ESR1: variants seen among roughly 807,000 people sequenced by gnomAD.
The protein encoded by ESR1 is estrogen receptor 1.
A neutral mutation model predicts 52.7 loss-of-function variants in ESR1; 12 were observed. The ratio of observed to expected loss-of-function variants is 0.23; its 90% CI spans 0.15 to 0.37. The LOEUF (loss-of-function observed/expected upper bound fraction) is 0.37, where lower values mean the gene tolerates loss of function less well. Ranked by LOEUF, ESR1 falls within the 10% of genes least tolerant of loss-of-function variation. The probability of loss-of-function intolerance (pLI) is 1.00; values close to 1 mark genes in which losing one functional copy is unlikely to be tolerated. For missense variants in ESR1, 584 were observed against 779.7 expected (o/e 0.75, Z 2.99); for synonymous variants, 305 against 316.8 (o/e 0.96, Z 0.39).
intron 3 of ESR1, among the ~76,000 whole-genome samples, chr6:151,904,936 G>A (rs75628375): frequency 6.6e-6 from 1 of 152,052 alleles, no homozygotes; most frequent in African/African-American, 2.4e-5. Context: ...CCACTGAGAC[G>A]ATGGGAAAGT....
chr6:151,673,386 G>A (rs915766565), intron 1 of ESR1, among the ~76,000 whole-genome samples: 2 of 152,106 alleles, frequency 1.3e-5, no homozygotes, highest in Non-Finnish European at 2.9e-5. Context: ...TCCTTTGTAA[G>A]AGTGTACCAT....
chr6:151,888,787 A>G (rs1794268970), intron 3 of ESR1, among the ~76,000 whole-genome samples: 1 of 152,192 alleles, frequency 6.6e-6, no homozygotes, highest in African/African-American at 2.4e-5. Flanking sequence ...ACCATTGAGT[A>G]TGATGTTAGC....
intron 3 of ESR1, among the ~76,000 whole-genome samples, chr6:151,916,792 G>T (rs1206888036): frequency 6.6e-6 from 1 of 152,124 alleles, no homozygotes; most frequent in African/African-American, 2.4e-5. Flanking sequence ...TCCATAATTT[G>T]CCCAGCACTG....
intron 1 of ESR1, among the ~76,000 whole-genome samples, chr6:151,828,585 CAGA>C (rs1781886490): frequency 6.6e-6 from 1 of 152,078 alleles, no homozygotes; most frequent in African/African-American, 2.4e-5. Context: ...AGTGAAGGAA[CAGA>C]AGGAGATGAA....
At chr6:151,703,254 A>G (rs1779931612) in intron 2 of ESR1, among the ~76,000 whole-genome samples, 1 of 152,196 alleles carries the variant, frequency 6.6e-6, no homozygotes, top group African/African-American at 2.4e-5. Flanking sequence ...CTTAGTGACT[A>G]ACCAAAAATG....
chr6:151,845,129 G>A (rs1236014820), intron 2 of ESR1, among the ~76,000 whole-genome samples: 1 of 151,778 alleles, frequency 6.6e-6, no homozygotes, highest in Non-Finnish European at 1.5e-5. Context: ...ATAACATTTA[G>A]TATTGTCTCT....
At chr6:151,834,850 T>C (rs1163630104) in intron 1 of ESR1, among the ~76,000 whole-genome samples, 2 of 151,960 alleles carry the variant, frequency 1.3e-5, no homozygotes, top group Non-Finnish European at 2.9e-5. Context: ...CACCTGGAAC[T>C]TGGGGAGCAA....
At chr6:151,672,984 A>G (rs1009762896) in intron 1 of ESR1, among the ~76,000 whole-genome samples, 3 of 150,758 alleles carry the variant, frequency 2.0e-5, no homozygotes, top group Non-Finnish European at 4.4e-5. Flanking sequence ...CCCCGCCACC[A>G]CGCCCAGCTA....
chr6:151,670,587 A>T (rs1778015615), intron 1 of ESR1, among the ~76,000 whole-genome samples: 1 of 43,368 alleles, frequency 2.3e-5, no homozygotes, highest in South Asian at 9.2e-4. Flanking sequence ...AAGGCACTTA[A>T]AAAAAAATTT....
Position 152,028,332 on chromosome 6 carries a change from G to A in ESR1, c.1235+16538G>A, listed in dbSNP as rs372694783. ...GGGTGCAGCGCACCAAGCATGAGCCGAAGCAGAGCGAGGCATCGCCTCACC... is the reference window on the plus strand; with the variant it reads ...GGGTGCAGCGCACCAAGCATGAGCCAAAGCAGAGCGAGGCATCGCCTCACC... On this transcript the variant is annotated intron_variant, in intron 5 of 7. Coordinates refer to ENST00000206249, the MANE Select transcript of ESR1 (RefSeq NM_000125.4). Among the ~76,000 whole-genome samples, 272 of 152,290 alleles carry A rather than the reference G, an allele frequency of 1.8e-3. 1 individual carries two copies. Among genetic ancestry groups the A allele is most frequent in the East Asian group, 0.013 (68 of 5,164 alleles).
chr6:151,996,802 T>C (rs1278676223), intron 4 of ESR1, among the ~76,000 whole-genome samples: 1 of 152,144 alleles, frequency 6.6e-6, no homozygotes, highest in African/African-American at 2.4e-5. Flanking sequence ...ATTTGAGGAA[T>C]GAAATTGTTA....
chr6:151,714,267 A>G (rs188154450), intron 2 of ESR1, among the ~76,000 whole-genome samples: 2 of 152,242 alleles, frequency 1.3e-5, no homozygotes, highest in East Asian at 1.9e-4. Context: ...TATGTGGTCA[A>G]TTTTAGAATA....
At chr6:152,127,004 T>A (rs557300821) in exon 7 of ESR1, 1 of 152,228 alleles carries the variant, frequency 6.6e-6, no homozygotes, top group Non-Finnish European at 1.5e-5. Flanking sequence ...GTGATCTTGA[T>A]CCTGCCCTTA....
intron 2 of ESR1, among the ~76,000 whole-genome samples, chr6:151,726,027 A>G (rs1781811133): frequency 6.6e-6 from 1 of 152,192 alleles, no homozygotes; most frequent in Non-Finnish European, 1.5e-5. Context: ...AAGAGGTGGA[A>G]AACCACAGGG....
chr6:151,869,090 C>G (rs1040380485), intron 2 of ESR1, among the ~76,000 whole-genome samples: 3 of 32,172 alleles, frequency 9.3e-5, no homozygotes, highest in Non-Finnish European at 1.9e-4. Context: ...AAGCACAGTC[C>G]TGTTCAGGGT....
chr6:152,003,329 A>G lies in ESR1; in HGVS notation c.1097-8327A>G, dbSNP rs1457068736. 5.4e-5 allele frequency among the ~76,000 whole-genome samples: 8 copies of G among 148,078 alleles called. No homozygotes were observed. In the East Asian group the frequency reaches 1.6e-3, roughly 30 times the overall value. The stretch of plus-strand genomic sequence containing the variant: ...AACTTACTTGTTAAATGGAGGGAAA[A>G]AAGGGTAATTATGTGTGTGTGTGTG... On this transcript the variant is annotated intron_variant, in intron 4 of 7. Transcript: ENST00000206249.
At chr6:151,734,292 G>A (rs1752837812) in intron 2 of ESR1, among the ~76,000 whole-genome samples, 1 of 152,194 alleles carries the variant, frequency 6.6e-6, no homozygotes, top group Non-Finnish European at 1.5e-5. Flanking sequence ...AGCCAAAGAA[G>A]TGGACACAAT....
At chr6:152,005,849 A>G (rs908373924) in intron 4 of ESR1, among the ~76,000 whole-genome samples, 1 of 152,056 alleles carries the variant, frequency 6.6e-6, no homozygotes, top group Non-Finnish European at 1.5e-5. Flanking sequence ...AGATAATCAG[A>G]AAGTCCCATG....
At chr6:151,705,735 C>A (rs1413067856) in intron 2 of ESR1, among the ~76,000 whole-genome samples, 2 of 152,136 alleles carry the variant, frequency 1.3e-5, no homozygotes, top group Admixed American at 1.3e-4. Flanking sequence ...TAAGCTGCAA[C>A]CCAGTAAATA....
Sources: allele counts gnomAD v4.1 joint callset (sites outside exome capture counted in the v4.1 genomes callset), GRCh38; gene constraint gnomAD v4.1.1; transcripts MANE v1.5; gene names NCBI Gene and HGNC (gene_info 2026-07-23, HGNC 2026-07-21).